ASIC5: variants seen among roughly 807,000 people sequenced by gnomAD.
ASIC5 encodes acid sensing ion channel subunit family member 5.
Under a neutral mutation model 51.2 loss-of-function variants are expected in ASIC5, and 52 were observed. The ratio of observed to expected loss-of-function variants is 1.02; its 90% CI spans 0.81 to 1.28. The LOEUF (loss-of-function observed/expected upper bound fraction) is 1.28. ASIC5 is among the 50% of genes most tolerant of loss of function. The pLI, the probability that ASIC5 is intolerant of heterozygous loss-of-function variation, is 0.00. For synonymous variants in ASIC5, 231 were observed against 200.7 expected, an observed-to-expected ratio of 1.15 and a Z score of -1.28; for missense variants, 635 against 595.0, an observed-to-expected ratio of 1.07 and a Z score of -0.70.
Position 155,842,205 on chromosome 4 carries a change from A to G in ASIC5, c.1009+2T>C. 1 of 1,613,032 alleles carries G rather than the reference A, an allele frequency of 6.2e-7. No homozygotes were observed. Among genetic ancestry groups the G allele is most frequent in the Non-Finnish European group, 8.5e-7 (1 of 1,179,358 alleles). ...GTAAGGGGGCAGTTAGTCTTTATTT[A>G]CCAGGAAGAAGAAAAGGCACACATC... On this transcript the variant is annotated splice_donor_variant, in intron 6 of 9. Transcript: ENST00000537611. LOFTEE classifies it high-confidence loss of function.
intron 8 of ASIC5, among the ~76,000 whole-genome samples, chr4:155,832,869 T>C (rs58463900): frequency 0.06 from 9,201 of 152,174 alleles, 346 homozygotes; most frequent in South Asian, 0.16. Flanking sequence ...CTAACTGGTC[T>C]TTCTGTTTCC....
intron 2 of ASIC5, among the ~76,000 whole-genome samples, chr4:155,856,353 C>G (rs1435150980): frequency 1.3e-5 from 2 of 152,060 alleles, no homozygotes; most frequent in Non-Finnish European, 2.9e-5. Flanking sequence ...CATATTAAAT[C>G]CTTTCTCAGT....
chr4:155,859,538 G>T (rs1055071903), intron 2 of ASIC5, among the ~76,000 whole-genome samples: 4 of 151,738 alleles, frequency 2.6e-5, no homozygotes, highest in African/African-American at 9.7e-5. Flanking sequence ...CTCACAAGGT[G>T]GTTAAACAAA....
chr4:155,855,654 C>G (rs1741517398), intron 2 of ASIC5, among the ~76,000 whole-genome samples: 1 of 150,372 alleles, frequency 6.7e-6, no homozygotes, highest in Non-Finnish European at 1.5e-5. Flanking sequence ...TCCTTTGTGT[C>G]CCAGATTTTA....
intron 8 of ASIC5, among the ~76,000 whole-genome samples, chr4:155,835,972 C>A (rs1740969920): frequency 6.6e-6 from 1 of 152,046 alleles, no homozygotes; most frequent in African/African-American, 2.4e-5. Flanking sequence ...ACTACAAATA[C>A]CAATATACTG....
chr4:155,853,160 A>T (rs1339706605), intron 3 of ASIC5, among the ~76,000 whole-genome samples: 1 of 152,028 alleles, frequency 6.6e-6, no homozygotes, highest in Admixed American at 6.6e-5. Flanking sequence ...CTAACATGAA[A>T]TTTTTTGTTG....
chr4:155,865,498 G>C (rs1273579466), intron 1 of ASIC5, among the ~76,000 whole-genome samples: 2 of 152,054 alleles, frequency 1.3e-5, no homozygotes, highest in African/African-American at 4.8e-5. Flanking sequence ...CTATTAGAAG[G>C]GGAAGACTAA....
chr4:155,836,964 G>T (rs903333348), intron 7 of ASIC5, 107 bp from the exon 8 acceptor site: 4 of 805,770 alleles, frequency 5.0e-6, no homozygotes, highest in Non-Finnish European at 7.5e-6. Context: ...AAAAAAGGTG[G>T]TTACCAACAA....
chr4:155,832,822 C>A (rs1740898131), intron 8 of ASIC5, among the ~76,000 whole-genome samples: 1 of 152,156 alleles, frequency 6.6e-6, no homozygotes, highest in Non-Finnish European at 1.5e-5. Flanking sequence ...TTGCCCAAGC[C>A]TTCATGACCT....
chr4:155,829,850 T>A lies in ASIC5; in HGVS notation c.*6A>T, dbSNP rs769468859. On this transcript the variant is annotated 3_prime_UTR_variant, in exon 10 of 10. Transcript: ENST00000537611. ...GAAAAGGAAACTATTTTATTCTAAG[T>A]GACCATTAACACTCCTCTATCCTAT... 1.1e-5 allele frequency: 16 copies of A among 1,498,072 alleles called. No homozygotes were observed. The highest frequency in any genetic ancestry group is 1.4e-5 in the Non-Finnish European group (16 of 1,123,218). 92.8% of individuals were successfully genotyped at this position (1,498,072 alleles called of 1,614,324 possible).
chr4:155,857,387 G>T (rs1414869187), intron 2 of ASIC5, among the ~76,000 whole-genome samples: 1 of 152,114 alleles, frequency 6.6e-6, no homozygotes, highest in African/African-American at 2.4e-5. Flanking sequence ...GCCTCCCAAA[G>T]TGCTGGGATT....
intron 2 of ASIC5, among the ~76,000 whole-genome samples, chr4:155,862,186 A>T (rs934646024): frequency 1.3e-5 from 2 of 152,102 alleles, no homozygotes; most frequent in African/African-American, 4.8e-5. Context: ...AGTATGAAGC[A>T]ATAGTATTGA....
intron 8 of ASIC5, 63 bp from the exon 9 acceptor site, chr4:155,831,978 G>A (rs945542526): frequency 1.3e-5 from 11 of 843,004 alleles, no homozygotes; most frequent in African/African-American, 5.3e-5. Context: ...AATTCCCGTC[G>A]AATAAAGGTA....
chr4:155,836,855 G>A lies in ASIC5; in HGVS notation c.1069C>T (p.His357Tyr). The change falls in exon 8 of 10, where the codon CAC becomes TAC. Residue 357 changes from histidine (H) to tyrosine (Y), a missense_variant and splice_region_variant. Physicochemically the swap from His to Tyr is moderately conservative, Grantham distance 83. Transcript: ENST00000537611. ...YFSCVSPVLD[H>Y]IEFKDLCTVG... is the part of the protein sequence containing the mutation. ...GTACATAAATCCTTAAATTCAATGT[G>A]GTCTGAAATGAAAATCAGGACAGGG... 13 of 1,578,856 alleles carry A rather than the reference G, an allele frequency of 8.2e-6. No individual in the cohort carries two copies. The highest frequency in any genetic ancestry group is 1.1e-5 in the Non-Finnish European group (13 of 1,160,096).
chr4:155,838,661 A>C, intron 7 of ASIC5, 152 bp downstream of exon 7: 1 of 480,570 alleles, frequency 2.1e-6, no homozygotes. Context: ...TGTGTTTGTT[A>C]GCTACTATTT....
intron 1 of ASIC5, 100 bp from the exon 2 acceptor site, chr4:155,863,854 A>AC: frequency 7.8e-6 from 7 of 897,142 alleles, no homozygotes; most frequent in Non-Finnish European, 9.9e-6. Flanking sequence ...TAAAGAGGTG[A>AC]CTCTTTTTAC....
In ASIC5 at chr4:155,843,698, T is replaced by C; in HGVS notation, c.844A>G (p.Thr282Ala). 1 of 1,613,448 alleles carries C rather than the reference T, an allele frequency of 6.2e-7. No homozygotes were observed. Among genetic ancestry groups the C allele is most frequent in the Non-Finnish European group, 8.5e-7 (1 of 1,179,622 alleles). ...GTATTTACCTTCACTTGGCGGATGG[T>C]TACCCTTGCGTGCATTCCCACAGGT... ...LSPVGMHARV[T>A]IRQVKTVHQE... The change falls in exon 5 of 10, where the codon ACC becomes GCC. Residue 282 changes from threonine to alanine, a missense_variant. Thr to Ala is a moderately conservative substitution (Grantham distance 58). Coordinates refer to ENST00000537611, the MANE Select transcript of ASIC5 (RefSeq NM_017419.3).
At chr4:155,850,770 T>G (rs1741364592) in intron 4 of ASIC5, among the ~76,000 whole-genome samples, 1 of 152,030 alleles carries the variant, frequency 6.6e-6, no homozygotes, top group Non-Finnish European at 1.5e-5. Flanking sequence ...TATGTTAAAT[T>G]CAAATTCATT....
chr4:155,855,224 T>C (rs1741502109), intron 2 of ASIC5: 1 of 152,092 alleles, frequency 6.6e-6, no homozygotes, highest in South Asian at 2.1e-4. Context: ...TTAAGTTTCC[T>C]CTCTTGTAAA....
Sources: gnomAD v4.1 joint callset for allele counts (sites outside exome capture counted in the v4.1 genomes callset) on GRCh38, gnomAD v4.1.1 for gene constraint, MANE v1.5 for transcripts, NCBI Gene and HGNC (gene_info 2026-07-23, HGNC 2026-07-21) for gene names.